MFF: variants seen among roughly 807,000 people sequenced by gnomAD.
MFF encodes chromosome 2 open reading frame 33.
A neutral mutation model predicts 36.9 loss-of-function variants in MFF; 12 were observed. The ratio of observed to expected loss-of-function variants is 0.33; its 90% CI spans 0.21 to 0.53. MFF has a LOEUF of 0.53. MFF is among the 20% of genes least tolerant of loss of function. MFF has a pLI of 0.95. For missense variants in MFF, 348 were observed against 366.6 expected, an observed-to-expected ratio of 0.95 and a Z score of 0.42; for synonymous variants, 99 against 126.2, an observed-to-expected ratio of 0.78 and a Z score of 1.44.
chr2:227,345,400 T>C (rs1479237028), intron 5 of MFF, among the ~76,000 whole-genome samples: 1 of 152,220 alleles, frequency 6.6e-6, no homozygotes, highest in Non-Finnish European at 1.5e-5. Flanking sequence ...GGTTTATTTA[T>C]CAGTACAGAA....
intron 1 of MFF, among the ~76,000 whole-genome samples, chr2:227,328,030 C>G (rs1032597462): frequency 1.4e-4 from 21 of 151,890 alleles, no homozygotes; most frequent in Admixed American, 1.3e-3. Context: ...TACTTTGTAC[C>G]GAGTACATGC....
chr2:227,350,436 C>T (rs931126344), intron 6 of MFF, among the ~76,000 whole-genome samples: 9 of 151,990 alleles, frequency 5.9e-5, no homozygotes, highest in African/African-American at 1.9e-4. Context: ...CTCATTTTTA[C>T]GAGGGGCTTG....
At chr2:227,327,015 A>AT (rs893290971) in intron 1 of MFF, among the ~76,000 whole-genome samples, 28 of 152,144 alleles carry the variant, frequency 1.8e-4, no homozygotes, top group African/African-American at 6.5e-4. Context: ...GTGGATGAGG[A>AT]TTTTTTTGTA....
At chr2:227,352,462 T>C in intron 6 of MFF, 52 bp from the exon 7 acceptor site, 1 of 1,398,136 alleles carries the variant, frequency 7.2e-7, no homozygotes, top group East Asian at 2.3e-5. Context: ...TTTTATTACT[T>C]CTCTGTTTCC....
chr2:227,327,383 T>G (rs1417750724), intron 1 of MFF, among the ~76,000 whole-genome samples: 1 of 152,216 alleles, frequency 6.6e-6, no homozygotes, highest in African/African-American at 2.4e-5. Flanking sequence ...AGACGTTTAT[T>G]TATTGCCAAA....
intron 3 of MFF, 106 bp downstream of exon 3, chr2:227,330,952 A>G: frequency 1.2e-6 from 1 of 849,112 alleles, no homozygotes; most frequent in Non-Finnish European, 1.8e-6. Flanking sequence ...GAGTTGGAAA[A>G]TGCAACTTTA....
rs144070452 is a variant in MFF at position 227,340,181 on chromosome 2, G to A, written c.352-111G>A. Reference sequence around the variant, plus strand: ...AGCAATTCTTGGTTGCCTTTTCTTAGTTCGTTGTAAGTTTTTTGAGTAGCC... The same window carrying A: ...AGCAATTCTTGGTTGCCTTTTCTTAATTCGTTGTAAGTTTTTTGAGTAGCC... On this transcript the variant is annotated intron_variant, in intron 4 of 8. Transcript: ENST00000304593. 1.6e-3 allele frequency: 1,313 copies of A among 806,790 alleles called. 24 individuals carry two copies. In the East Asian group the frequency reaches 0.031, roughly 19 times the overall value. The allele number at this position is 806,790 out of a possible 1,614,324, so 50.0% of individuals were successfully genotyped here.
chr2:227,338,377 A>AG, intron 4 of MFF, among the ~76,000 whole-genome samples: 1 of 151,286 alleles, frequency 6.6e-6, no homozygotes, highest in Non-Finnish European at 1.5e-5. Flanking sequence ...CTCAAAAAAA[A>AG]AAAAAAGAAA....
intron 6 of MFF, 88 bp downstream of exon 6, chr2:227,347,472 T>C: frequency 1.8e-6 from 2 of 1,094,806 alleles, no homozygotes; most frequent in Non-Finnish European, 2.7e-6. Flanking sequence ...CTTTTCTGTT[T>C]TTACCTTCTA....
At chr2:227,349,727 A>T (rs1050779669) in intron 6 of MFF, among the ~76,000 whole-genome samples, 65 of 152,286 alleles carry the variant, frequency 4.3e-4, no homozygotes, top group Admixed American at 1.2e-3. Flanking sequence ...GACTTTTCAG[A>T]TATAAGAAAT....
chr2:227,335,889 ATTGC>A (rs1050313477), intron 4 of MFF, among the ~76,000 whole-genome samples: 4 of 152,196 alleles, frequency 2.6e-5, no homozygotes, highest in African/African-American at 4.8e-5. Context: ...AGATAAGACC[ATTGC>A]TTGGTGATTC....
intron 2 of MFF, chr2:227,329,824 T>G (rs1212260294): frequency 1.5e-6 from 2 of 1,352,756 alleles, no homozygotes; most frequent in Admixed American, 3.7e-5. Context: ...ATTATAGGTT[T>G]GAGAGACAAT....
chr2:227,344,126 A>G (rs1403345816), intron 5 of MFF, among the ~76,000 whole-genome samples: 2 of 152,224 alleles, frequency 1.3e-5, no homozygotes, highest in Non-Finnish European at 2.9e-5. Flanking sequence ...ATAAGATTTC[A>G]TGTAAGCATG....
At chr2:227,350,091 T>C (rs939826236) in intron 6 of MFF, among the ~76,000 whole-genome samples, 3 of 152,122 alleles carry the variant, frequency 2.0e-5, no homozygotes, top group Non-Finnish European at 4.4e-5. Flanking sequence ...CTTACAAGAA[T>C]GTAGATGATC....
At chr2:227,349,390 A>T (rs985836869) in intron 6 of MFF, among the ~76,000 whole-genome samples, 7 of 152,058 alleles carry the variant, frequency 4.6e-5, no homozygotes, top group Admixed American at 1.3e-4. Context: ...CTTTCAGTGA[A>T]ATTTTATTTC....
chr2:227,356,886 T>C (rs761601071), intron 8 of MFF, 100 bp from the exon 9 acceptor site: 50 of 929,250 alleles, frequency 5.4e-5, no homozygotes, highest in Middle Eastern at 4.5e-4. Context: ...AATAATACTT[T>C]TGTTGACAAA....
chr2:227,347,573 A>C (rs576155178), intron 6 of MFF, among the ~76,000 whole-genome samples, 189 bp downstream of exon 6: 1 of 152,246 alleles, frequency 6.6e-6, no homozygotes, highest in Admixed American at 6.5e-5. Context: ...TCACAAGATT[A>C]CATTAGCTTT....
At chr2:227,336,997 C>T (rs996171761) in intron 4 of MFF, among the ~76,000 whole-genome samples, 2 of 152,204 alleles carry the variant, frequency 1.3e-5, no homozygotes, top group South Asian at 4.1e-4. Flanking sequence ...TCTGATCACA[C>T]TTTGGTGATG....
intron 4 of MFF, among the ~76,000 whole-genome samples, chr2:227,335,579 A>AC (rs1353675656): frequency 4.6e-5 from 7 of 152,206 alleles, no homozygotes; most frequent in Non-Finnish European, 8.8e-5. Flanking sequence ...GGGCAAGATC[A>AC]CCCCCTACTG....
Sources: gnomAD v4.1 joint callset for allele counts (sites outside exome capture counted in the v4.1 genomes callset) on GRCh38, gnomAD v4.1.1 for gene constraint, MANE v1.5 for transcripts, NCBI Gene and HGNC (gene_info 2026-07-23, HGNC 2026-07-21) for gene names.